Variants in FCHSD2 observed in about 807,000 individuals in gnomAD.
FCHSD2 encodes F-BAR and double SH3 domains protein 2.
A neutral mutation model predicts 108.1 loss-of-function variants in FCHSD2; 38 were observed. That is an observed-to-expected ratio of 0.35 (90% CI 0.27 to 0.46). The LOEUF (loss-of-function observed/expected upper bound fraction) is 0.46, where lower values mean the gene tolerates loss of function less well. Among genes scored for constraint, FCHSD2 ranks in the 20% least tolerant of loss-of-function variants. The probability of loss-of-function intolerance (pLI) is 1.00; values close to 1 mark genes in which losing one functional copy is unlikely to be tolerated. For missense variants in FCHSD2, 751 were observed against 897.8 expected (o/e 0.84, Z 2.09); for synonymous variants, 279 against 314.7 (o/e 0.89, Z 1.20).
intron 2 of FCHSD2, among the ~76,000 whole-genome samples, chr11:73,097,147 T>C (rs1375310000): frequency 1.3e-5 from 2 of 150,730 alleles, no homozygotes; most frequent in Non-Finnish European, 3.0e-5. Context: ...GAACTACAGG[T>C]ATGCACCACC....
chr11:72,938,995 C>T (rs1421333216), intron 8 of FCHSD2, among the ~76,000 whole-genome samples: 6 of 152,090 alleles, frequency 3.9e-5, no homozygotes, highest in African/African-American at 1.4e-4. Context: ...GGCCTCTGAG[C>T]TACTAAACAT....
chr11:73,120,504 T>C (rs1436085910), intron 2 of FCHSD2, among the ~76,000 whole-genome samples: 1 of 152,030 alleles, frequency 6.6e-6, no homozygotes, highest in Non-Finnish European at 1.5e-5. Flanking sequence ...CCAAGGCAGG[T>C]GGATCACCTG....
chr11:72,900,189 C>T (rs935362963), intron 10 of FCHSD2: 4 of 1,131,726 alleles, frequency 3.5e-6, no homozygotes, highest in Non-Finnish European at 5.2e-6. Flanking sequence ...AACACCAGGT[C>T]CCACCCTTCA....
intron 3 of FCHSD2, among the ~76,000 whole-genome samples, chr11:73,030,179 T>A (rs899052163): frequency 2.0e-5 from 3 of 152,176 alleles, no homozygotes; most frequent in Admixed American, 2.0e-4. Flanking sequence ...CCACAACTGA[T>A]TGCTTAGTTC....
intron 4 of FCHSD2, among the ~76,000 whole-genome samples, chr11:73,014,912 C>T (rs1283740541): frequency 5.3e-5 from 8 of 151,782 alleles, no homozygotes; most frequent in South Asian, 2.1e-4. Context: ...GACATGATTT[C>T]GGCTCAATGC....
chr11:72,901,602 G>C (rs532793153), intron 10 of FCHSD2, among the ~76,000 whole-genome samples: 2 of 152,102 alleles, frequency 1.3e-5, no homozygotes, highest in Non-Finnish European at 2.9e-5. Context: ...CACAGCACTG[G>C]AAATGTAGTA....
At chr11:73,042,187 A>C (rs552632603) in intron 3 of FCHSD2, among the ~76,000 whole-genome samples, 1 of 152,276 alleles carries the variant, frequency 6.6e-6, no homozygotes, top group South Asian at 2.1e-4. Flanking sequence ...TCAGCCTCCC[A>C]GTGTTGGGAC....
intron 10 of FCHSD2, among the ~76,000 whole-genome samples, chr11:72,891,192 A>G (rs1432014554): frequency 1.3e-5 from 2 of 152,282 alleles, no homozygotes; most frequent in Admixed American, 6.5e-5. Context: ...CTGGTCTTCC[A>G]AAGTGTTCAA....
intron 3 of FCHSD2, among the ~76,000 whole-genome samples, chr11:73,051,868 A>C (rs1013801760): frequency 7.1e-6 from 1 of 141,732 alleles, no homozygotes; most frequent in Non-Finnish European, 1.5e-5. Context: ...ACGGTATATA[A>C]ACACACACAC....
chr11:72,951,787 T>C (rs1856624980), intron 8 of FCHSD2, among the ~76,000 whole-genome samples: 1 of 152,216 alleles, frequency 6.6e-6, no homozygotes, highest in Admixed American at 6.5e-5. Context: ...AGGTTTACCC[T>C]TTCACAATCT....
chr11:73,042,470 A>G (rs928750340), intron 3 of FCHSD2, among the ~76,000 whole-genome samples: 2 of 152,224 alleles, frequency 1.3e-5, no homozygotes, highest in African/African-American at 4.8e-5. Flanking sequence ...GCTTTGTAGA[A>G]TATTTTGAAG....
At chr11:72,919,644 T>C (rs1565323074) in intron 9 of FCHSD2, among the ~76,000 whole-genome samples, 3 of 151,936 alleles carry the variant, frequency 2.0e-5, no homozygotes, top group Admixed American at 2.0e-4. Flanking sequence ...AAATATTAGC[T>C]ATCTGTTACG....
At chr11:73,063,899 A>G (rs1340142463) in intron 3 of FCHSD2, among the ~76,000 whole-genome samples, 1 of 152,180 alleles carries the variant, frequency 6.6e-6, no homozygotes, top group Non-Finnish European at 1.5e-5. Flanking sequence ...AAAATTAACA[A>G]GGATATTCAG....
intron 2 of FCHSD2, among the ~76,000 whole-genome samples, chr11:73,127,383 A>G (rs942107794): frequency 2.0e-5 from 3 of 152,182 alleles, no homozygotes; most frequent in African/African-American, 7.2e-5. Flanking sequence ...CTAAGGTTCC[A>G]TAAATTACTC....
intron 3 of FCHSD2, among the ~76,000 whole-genome samples, chr11:73,059,007 G>A (rs1859099719): frequency 6.6e-6 from 1 of 152,224 alleles, no homozygotes; most frequent in South Asian, 2.1e-4. Flanking sequence ...TAGACTCAAT[G>A]AATCATCCCA....
In FCHSD2 at chr11:72,843,552, T is replaced by C. The variant is rs1420810578; in HGVS notation, c.1444-20A>G. 6.3e-7 allele frequency: 1 copy of C among 1,587,654 alleles called. No individual in the cohort carries two copies. The highest frequency in any genetic ancestry group is 1.1e-5 in the South Asian group (1 of 90,502). The stretch of plus-strand genomic sequence containing the variant: ...AGAAGCCTGCAGTGTAGGATGGTCA[T>C]GGACAAAATTAAAAAGGTTAGATAA... On this transcript the variant is annotated intron_variant, in intron 14 of 19. Coordinates refer to ENST00000409418, the MANE Select transcript of FCHSD2 (RefSeq NM_014824.3).
At chr11:73,135,505 G>A (rs1488679478) in intron 2 of FCHSD2, among the ~76,000 whole-genome samples, 1 of 152,036 alleles carries the variant, frequency 6.6e-6, no homozygotes, top group East Asian at 1.9e-4. Context: ...ACATAGCACA[G>A]GATAAACAAT....
Position 73,072,236 on chromosome 11 carries a change from G to T in FCHSD2, c.165+11459C>A, listed in dbSNP as rs543401010. On this transcript the variant is annotated intron_variant, in intron 3 of 19. Coordinates refer to ENST00000409418, the MANE Select transcript of FCHSD2 (RefSeq NM_014824.3). ...TAATTAATAGAAACAGAAGGTTTGG[G>T]GAGGAAAATAATGGGGATCAGCATC... 5.3e-5 allele frequency among the ~76,000 whole-genome samples: 8 copies of T among 151,466 alleles called. No homozygotes were observed. In the Admixed American group the frequency reaches 5.3e-4, roughly 10 times the overall value.
chr11:72,986,319 C>T (rs1354088663), intron 6 of FCHSD2, among the ~76,000 whole-genome samples: 1 of 152,164 alleles, frequency 6.6e-6, no homozygotes. Flanking sequence ...ATGCCATTCT[C>T]CTGCCTCAGC....
Sources: allele counts gnomAD v4.1 joint callset (sites outside exome capture counted in the v4.1 genomes callset), GRCh38; gene constraint gnomAD v4.1.1; transcripts MANE v1.5; gene names NCBI Gene and HGNC (gene_info 2026-07-23, HGNC 2026-07-21).